The following LINGO2 variants were observed in gnomAD, a reference collection of about 807,000 sequenced individuals.
LINGO2 encodes leucine-rich repeat and immunoglobulin-like domain-containing nogo receptor-interacting protein 2.
A neutral mutation model predicts 30.6 loss-of-function variants in LINGO2; 14 were observed. That is an observed-to-expected ratio of 0.46 (90% CI 0.30 to 0.72). LINGO2 has a LOEUF of 0.72. Ranked by LOEUF, LINGO2 falls within the 30% of genes least tolerant of loss-of-function variation. The probability of loss-of-function intolerance (pLI) is 0.07; values close to 1 mark genes in which losing one functional copy is unlikely to be tolerated. For synonymous variants in LINGO2, 317 were observed against 288.5 expected (o/e 1.10, Z -1.00); for missense variants, 729 against 751.7 (o/e 0.97, Z 0.35).
At chr9:28,067,621 A>G (rs536349901) in intron 4 of LINGO2, among the ~76,000 whole-genome samples, 77 of 152,092 alleles carry the variant, frequency 5.1e-4, no homozygotes, top group Non-Finnish European at 9.1e-4. Context: ...TAAAAAATTA[A>G]CACTCTCAAT....
chr9:28,482,161 A>T (rs1300222689), intron 1 of LINGO2, among the ~76,000 whole-genome samples: 1 of 151,968 alleles, frequency 6.6e-6, no homozygotes, highest in African/African-American at 2.4e-5. Context: ...GCTGGGTCAA[A>T]TGGTATTTCT....
intron 4 of LINGO2, among the ~76,000 whole-genome samples, chr9:28,191,349 G>A (rs1452384362): frequency 6.6e-6 from 1 of 152,144 alleles, no homozygotes; most frequent in Non-Finnish European, 1.5e-5. Flanking sequence ...GTAAAGTATA[G>A]CTCTGCCCAA....
the LINGO2 span, among the ~76,000 whole-genome samples, chr9:29,152,498 C>T: frequency 6.6e-6 from 1 of 152,114 alleles, no homozygotes; most frequent in Non-Finnish European, 1.5e-5. Context: ...TAAATTGTGT[C>T]CTCCTTGGAT....
At chr9:29,139,909 C>T in the LINGO2 span, among the ~76,000 whole-genome samples, 7 of 151,620 alleles carry the variant, frequency 4.6e-5, no homozygotes, top group Admixed American at 1.3e-4. Context: ...ACATCAGATG[C>T]AGAGAACCTG....
chr9:29,166,336 T>C, the LINGO2 span, among the ~76,000 whole-genome samples: 1 of 152,130 alleles, frequency 6.6e-6, no homozygotes, highest in African/African-American at 2.4e-5. Context: ...CTACACGTTT[T>C]ACTTAAGCCA....
intron 1 of LINGO2, among the ~76,000 whole-genome samples, chr9:28,530,513 A>T (rs1001451053): frequency 1.3e-5 from 2 of 152,210 alleles, no homozygotes; most frequent in Non-Finnish European, 2.9e-5. Context: ...CCCCATGCAC[A>T]GGTTGACCTA....
chr9:28,920,809 C>T, the LINGO2 span, among the ~76,000 whole-genome samples: 1 of 152,018 alleles, frequency 6.6e-6, no homozygotes, highest in Non-Finnish European at 1.5e-5. Context: ...ATCAGAAAAG[C>T]CTTAGTTTAA....
intron 4 of LINGO2, among the ~76,000 whole-genome samples, chr9:28,172,045 A>AAAC (rs1554682049): frequency 4.3e-5 from 6 of 140,968 alleles, no homozygotes; most frequent in South Asian, 2.2e-4. Context: ...AAAAAAAAAA[A>AAAC]CCCAGCATCT....
At chr9:28,495,139 T>G (rs1819554945) in intron 1 of LINGO2, among the ~76,000 whole-genome samples, 4 of 152,056 alleles carry the variant, frequency 2.6e-5, no homozygotes. Flanking sequence ...ATGAGTAGAT[T>G]GCAAAATTTT....
the LINGO2 span, among the ~76,000 whole-genome samples, chr9:28,723,045 T>C: frequency 2.6e-5 from 4 of 152,136 alleles, no homozygotes; most frequent in Non-Finnish European, 2.9e-5. Context: ...AACTTGAGCA[T>C]GATTCTTTTT....
chr9:28,549,085 A>G (rs1209563801), intron 1 of LINGO2, among the ~76,000 whole-genome samples: 2 of 152,054 alleles, frequency 1.3e-5, no homozygotes, highest in Non-Finnish European at 2.9e-5. Context: ...ATGACATACA[A>G]TTGCTTCAGA....
At chr9:28,775,493 GA>G in the LINGO2 span, among the ~76,000 whole-genome samples, 1 of 152,160 alleles carries the variant, frequency 6.6e-6, no homozygotes, top group African/African-American at 2.4e-5. Flanking sequence ...GCATGGTTTG[GA>G]AGTCACATAG....
intron 4 of LINGO2, among the ~76,000 whole-genome samples, chr9:28,254,877 C>T (rs184491195): frequency 2.6e-5 from 4 of 152,088 alleles, no homozygotes; most frequent in East Asian, 1.9e-4. Flanking sequence ...GTATTAAGCC[C>T]AGTATGCATT....
At chr9:28,353,515 G>A (rs1213276867) in intron 3 of LINGO2, among the ~76,000 whole-genome samples, 4 of 151,930 alleles carry the variant, frequency 2.6e-5, no homozygotes, top group African/African-American at 4.8e-5. Context: ...AGGTGCTGGA[G>A]AGGATGTGGA....
rs1382235804 is a variant in LINGO2 at position 28,147,222 on chromosome 9, G to A, written c.-86-134817C>T. On this transcript the variant is annotated intron_variant, in intron 4 of 5. Transcript: ENST00000379992. The surrounding 1 kb of genome is among the most constrained non-coding windows in gnomAD (Gnocchi z 4.7). ...ACAGGAAAAAATAAGAATAGATGTT[G>A]TATCCATGATCATGAGGCACACAGG... Among the ~76,000 whole-genome samples, 1 of 152,196 alleles carries A rather than the reference G, an allele frequency of 6.6e-6. No homozygotes were observed. Among genetic ancestry groups the A allele is most frequent in the African/African-American group, 2.4e-5 (1 of 41,448 alleles).
intron 2 of LINGO2, among the ~76,000 whole-genome samples, chr9:28,392,319 A>AG (rs1168890711): frequency 1.3e-5 from 2 of 152,190 alleles, no homozygotes; most frequent in African/African-American, 4.8e-5. Flanking sequence ...AGGCTACTTG[A>AG]GAAAAAGTAT....
intron 4 of LINGO2, among the ~76,000 whole-genome samples, chr9:28,169,038 CA>C (rs1201726290): frequency 6.6e-6 from 1 of 152,130 alleles, no homozygotes; most frequent in Non-Finnish European, 1.5e-5. Context: ...CCCATGAATT[CA>C]ACTCTTTCAA....
chr9:27,948,755 G>C lies in LINGO2; in HGVS notation c.*96C>G, dbSNP rs564011712. ...CCCTGCTTTTGATACAGGGGCAGCT[G>C]CACATGGCTGCCTCTTAATCTAGTA... On this transcript the variant is annotated 3_prime_UTR_variant, in exon 6 of 6. Coordinates refer to ENST00000379992, the Ensembl canonical transcript of LINGO2. The C allele has an allele frequency of 2.0e-5, 28 of 1,368,132 alleles. No homozygotes were observed. In the Admixed American group the frequency reaches 4.7e-4, roughly 23 times the overall value. The allele number at this position is 1,368,132 out of a possible 1,614,324, so 84.7% of individuals were successfully genotyped here.
intron 1 of LINGO2, among the ~76,000 whole-genome samples, chr9:28,646,914 T>G (rs1370434482): frequency 1.3e-5 from 2 of 152,132 alleles, no homozygotes; most frequent in African/African-American, 4.8e-5. Context: ...TTAATGAGTA[T>G]GAGCTAATCA....
Sources: allele counts gnomAD v4.1 joint callset (sites outside exome capture counted in the v4.1 genomes callset), GRCh38; gene constraint gnomAD v4.1.1; non-coding constraint Gnocchi (gnomAD v3.1); transcripts MANE v1.5; gene names NCBI Gene and HGNC (gene_info 2026-07-23, HGNC 2026-07-21).